ARHGAP15: variants seen among roughly 807,000 people sequenced by gnomAD.
ARHGAP15 encodes Rho GTPase activating protein 15, also known as rho GTPase-activating protein 15.
In ARHGAP15, 51 loss-of-function variants were observed where a neutral mutation model predicts 63.7. The observed-to-expected ratio is 0.80, with a 90% CI of 0.64 to 1.01. The LOEUF (loss-of-function observed/expected upper bound fraction) is 1.01. Ranked by LOEUF, ARHGAP15 falls within the 50% of genes least tolerant of loss-of-function variation. The pLI is 0.00. For synonymous variants in ARHGAP15, 191 were observed against 193.8 expected (o/e 0.99, Z 0.12); for missense variants, 560 against 564.6 (o/e 0.99, Z 0.08).
At chr2:143,542,584 A>G (rs1695120689) in intron 10 of ARHGAP15, among the ~76,000 whole-genome samples, 1 of 147,628 alleles carries the variant, frequency 6.8e-6, no homozygotes, top group African/African-American at 2.5e-5. Flanking sequence ...GTGCACATAT[A>G]TATCATATAT....
intron 6 of ARHGAP15, among the ~76,000 whole-genome samples, chr2:143,377,444 A>G (rs12475236): frequency 0.2 from 29,619 of 151,810 alleles, 3,311 homozygotes; most frequent in Admixed American, 0.31. Flanking sequence ...AATAATGCCC[A>G]AAGTGTCTAT....
chr2:143,608,020 T>C (rs1698108155), intron 11 of ARHGAP15: 1 of 152,132 alleles, frequency 6.6e-6, no homozygotes, highest in African/African-American at 2.4e-5. Context: ...GCAAGGATTG[T>C]GTTCTGTCTC....
chr2:143,377,773 T>A, intron 6 of ARHGAP15, among the ~76,000 whole-genome samples: 1 of 152,018 alleles, frequency 6.6e-6, no homozygotes, highest in East Asian at 1.9e-4. Context: ...CAGAACTTTT[T>A]TGTTCCTGAT....
Position 143,236,114 on chromosome 2 carries a change from G to T in ARHGAP15, c.384+7446G>T. ...TCTCAACAGTTAACAACTCCTACCAGGTGTCATATAATTTTTTTCTTTTTG... is the reference window on the plus strand; with the variant it reads ...TCTCAACAGTTAACAACTCCTACCATGTGTCATATAATTTTTTTCTTTTTG... On this transcript the variant is annotated intron_variant, in intron 5 of 13. Transcript: ENST00000295095. 5 of 1,025,248 alleles carry T rather than the reference G, an allele frequency of 4.9e-6. No homozygotes were observed. In the Admixed American group the frequency reaches 1.1e-4, roughly 23 times the overall value. The allele number at this position is 1,025,248 out of a possible 1,614,324, so 63.5% of individuals were successfully genotyped here. A position where few individuals can be genotyped will look rare whatever the true frequency, so the allele number is the denominator to read the frequency against.
intron 6 of ARHGAP15, among the ~76,000 whole-genome samples, chr2:143,306,692 C>T (rs1449451351): frequency 6.6e-6 from 1 of 152,110 alleles, no homozygotes; most frequent in African/African-American, 2.4e-5. Flanking sequence ...TCCAGACCTC[C>T]ATTTAATTCA....
chr2:143,273,243 T>C (rs1681383912), intron 6 of ARHGAP15, among the ~76,000 whole-genome samples: 1 of 152,110 alleles, frequency 6.6e-6, no homozygotes, highest in Non-Finnish European at 1.5e-5. Flanking sequence ...TGAAAGAAAT[T>C]GGGTGGGAAT....
At chr2:143,589,870 G>C (rs975116450) in intron 11 of ARHGAP15, among the ~76,000 whole-genome samples, 4 of 152,088 alleles carry the variant, frequency 2.6e-5, no homozygotes, top group Admixed American at 6.5e-5. Context: ...CATATAAATA[G>C]GTGAAATGTA....
At chr2:143,470,958 A>G (rs901510078) in intron 8 of ARHGAP15, among the ~76,000 whole-genome samples, 10 of 134,552 alleles carry the variant, frequency 7.4e-5, no homozygotes, top group African/African-American at 2.5e-4. Flanking sequence ...ACACATGTGT[A>G]TCATATGTGT....
chr2:143,658,418 T>C (rs1681572082), intron 12 of ARHGAP15, among the ~76,000 whole-genome samples: 1 of 152,236 alleles, frequency 6.6e-6, no homozygotes. Context: ...CTAATTATTT[T>C]CTCCTGTAAA....
intron 12 of ARHGAP15, among the ~76,000 whole-genome samples, chr2:143,654,840 T>C (rs1681352531): frequency 6.6e-6 from 1 of 152,096 alleles, no homozygotes; most frequent in South Asian, 2.1e-4. Flanking sequence ...AACCAAAAGT[T>C]AAAATATGAC....
chr2:143,272,637 ATG>A (rs1198657183), intron 6 of ARHGAP15, among the ~76,000 whole-genome samples: 1 of 152,102 alleles, frequency 6.6e-6, no homozygotes, highest in East Asian at 1.9e-4. Flanking sequence ...TGGCAACAGA[ATG>A]AGACTGCGTC....
intron 6 of ARHGAP15, among the ~76,000 whole-genome samples, chr2:143,301,477 A>G (rs1477311018): frequency 1.3e-5 from 2 of 151,942 alleles, no homozygotes; most frequent in Non-Finnish European, 2.9e-5. Context: ...TGTGTATAAA[A>G]ATTGTCTCCA....
At chr2:143,158,498 T>C (rs960605867) in intron 2 of ARHGAP15, among the ~76,000 whole-genome samples, 50 of 152,092 alleles carry the variant, frequency 3.3e-4, no homozygotes, top group African/African-American at 1.1e-3. Flanking sequence ...GTGATGTGCA[T>C]CGTTTTCTTT....
At chr2:143,445,581 C>A (rs963059617) in intron 8 of ARHGAP15, among the ~76,000 whole-genome samples, 1 of 151,982 alleles carries the variant, frequency 6.6e-6, no homozygotes, top group Non-Finnish European at 1.5e-5. Context: ...TTCATCACTC[C>A]CTGACCCATA....
At chr2:143,656,934 G>GGGGTGTGTGT (rs1484394918) in intron 12 of ARHGAP15, among the ~76,000 whole-genome samples, 1 of 144,936 alleles carries the variant, frequency 6.9e-6, no homozygotes, top group African/African-American at 2.5e-5. Context: ...CAAAGTTTCT[G>GGGGTGTGTGT]GTGTGTGTGT....
At chr2:143,719,128 T>C (rs1684937308) in intron 13 of ARHGAP15, among the ~76,000 whole-genome samples, 1 of 152,224 alleles carries the variant, frequency 6.6e-6, no homozygotes, top group Non-Finnish European at 1.5e-5. Flanking sequence ...CATAGGTTGG[T>C]TCTCTGGCAC....
At chr2:143,164,005 G>A (rs904598079) in intron 2 of ARHGAP15, among the ~76,000 whole-genome samples, 2 of 152,008 alleles carry the variant, frequency 1.3e-5, no homozygotes, top group Non-Finnish European at 2.9e-5. Flanking sequence ...CCTCTGCTTC[G>A]GAGGTCAAGG....
chr2:143,551,058 CTT>C (rs945859862), intron 10 of ARHGAP15, among the ~76,000 whole-genome samples: 2 of 152,156 alleles, frequency 1.3e-5, no homozygotes, highest in African/African-American at 4.8e-5. Flanking sequence ...GCACTAAGCT[CTT>C]TATCTTTTCT....
intron 12 of ARHGAP15, chr2:143,641,243 G>A (rs959288532): frequency 2.0e-5 from 3 of 151,980 alleles, no homozygotes; most frequent in Non-Finnish European, 4.4e-5. Flanking sequence ...CATAAAACTG[G>A]TGCTGAGAAG....
Sources: gnomAD v4.1 joint callset for allele counts (sites outside exome capture counted in the v4.1 genomes callset) on GRCh38, gnomAD v4.1.1 for gene constraint, MANE v1.5 for transcripts, NCBI Gene and HGNC (gene_info 2026-07-23, HGNC 2026-07-21) for gene names.